The following MEI4 variants were observed in gnomAD, a reference collection of about 807,000 sequenced individuals.
The protein encoded by MEI4 is meiotic double-stranded break formation protein 4.
MEI4 carries 27 observed loss-of-function variants against 31.4 expected under a neutral mutation model. The observed-to-expected ratio is 0.86, with a 90% CI of 0.63 to 1.19. The LOEUF is 1.19. MEI4 is among the 50% of genes most tolerant of loss of function. MEI4 has a pLI of 0.00. For synonymous variants in MEI4, 122 were observed against 145.4 expected (o/e 0.84, Z 1.16); for missense variants, 329 against 398.9 (o/e 0.82, Z 1.49).
intron 2 of MEI4, among the ~76,000 whole-genome samples, chr6:77,714,605 A>G (rs950806437): frequency 3.9e-5 from 6 of 152,238 alleles, no homozygotes; most frequent in Non-Finnish European, 4.4e-5. Flanking sequence ...CCACGTTTTA[A>G]ACAGTGAATG....
chr6:77,834,979 A>G (rs1286441393), intron 4 of MEI4, among the ~76,000 whole-genome samples: 4 of 152,180 alleles, frequency 2.6e-5, no homozygotes, highest in Non-Finnish European at 2.9e-5. Context: ...CCTTCAGCCA[A>G]GCAATCTGAA....
chr6:77,841,892 A>G (rs1770375226), intron 4 of MEI4, among the ~76,000 whole-genome samples: 1 of 152,150 alleles, frequency 6.6e-6, no homozygotes, highest in Non-Finnish European at 1.5e-5. Flanking sequence ...AGAAAATATA[A>G]TGATAAATGT....
At position 77,925,529 on chromosome 6, in the gene MEI4, G is replaced by T. The variant is rs1194812477; in HGVS notation, c.*2183G>T. Reference sequence around the variant, plus strand: ...AGTGAATTAATGAATGATTTAAACTGGTATTACAATGTTTAAGAATGTTAT... The same window carrying T: ...AGTGAATTAATGAATGATTTAAACTTGTATTACAATGTTTAAGAATGTTAT... On this transcript the variant is annotated 3_prime_UTR_variant, in exon 5 of 5. Coordinates refer to ENST00000684080, the MANE Select transcript of MEI4 (RefSeq NM_001322247.2). The T allele has an allele frequency of 6.6e-6, 1 of 151,472 alleles. No homozygotes were observed. The highest frequency in any genetic ancestry group is 1.5e-5 in the Non-Finnish European group (1 of 67,820). The allele number at this position is 151,472 out of a possible 1,614,324, so 9.4% of individuals were successfully genotyped here.
At chr6:77,844,706 A>AC (rs1770439952) in intron 4 of MEI4, among the ~76,000 whole-genome samples, 1 of 152,154 alleles carries the variant, frequency 6.6e-6, no homozygotes, top group African/African-American at 2.4e-5. Context: ...TATAACAGTG[A>AC]CTGGCCTTAC....
At chr6:77,739,109 CT>C (rs1471788387) in intron 2 of MEI4, among the ~76,000 whole-genome samples, 6 of 152,100 alleles carry the variant, frequency 3.9e-5, no homozygotes, top group Non-Finnish European at 7.4e-5. Flanking sequence ...TCAATTTTGG[CT>C]TTTGTTGCAA....
chr6:77,696,971 A>T (rs1210788167), intron 2 of MEI4, among the ~76,000 whole-genome samples: 1 of 152,128 alleles, frequency 6.6e-6, no homozygotes, highest in African/African-American at 2.4e-5. Flanking sequence ...TGAGAGATTC[A>T]ACTTCTTCTT....
chr6:77,792,721 T>A (rs2127696741), intron 3 of MEI4, among the ~76,000 whole-genome samples: 1 of 151,996 alleles, frequency 6.6e-6, no homozygotes, highest in African/African-American at 2.4e-5. Context: ...AACACTATTT[T>A]TTTTTTTTTT....
chr6:77,812,476 A>G (rs1054277700), intron 3 of MEI4, among the ~76,000 whole-genome samples: 2 of 152,116 alleles, frequency 1.3e-5, no homozygotes, highest in Non-Finnish European at 2.9e-5. Context: ...AACTAGAAAG[A>G]TAGACTAAAC....
At chr6:77,750,619 G>T (rs1203669890) in intron 2 of MEI4, among the ~76,000 whole-genome samples, 1 of 152,112 alleles carries the variant, frequency 6.6e-6, no homozygotes, top group Non-Finnish European at 1.5e-5. Flanking sequence ...GAGTCATAAA[G>T]CAAGTTCTTA....
At chr6:77,661,503 C>T (rs1012814533) in intron 1 of MEI4, among the ~76,000 whole-genome samples, 13 of 152,136 alleles carry the variant, frequency 8.5e-5, no homozygotes, top group Non-Finnish European at 1.8e-4. Context: ...TGAGTAAAGT[C>T]AATCTGCCAG....
intron 3 of MEI4, among the ~76,000 whole-genome samples, chr6:77,795,625 A>G (rs1769053571): frequency 6.6e-6 from 1 of 152,180 alleles, no homozygotes; most frequent in Non-Finnish European, 1.5e-5. Context: ...AATGCAAAAA[A>G]TCCTGAGAGA....
intron 4 of MEI4, among the ~76,000 whole-genome samples, chr6:77,884,885 T>C (rs757680568): frequency 7.2e-5 from 11 of 152,186 alleles, no homozygotes; most frequent in Non-Finnish European, 1.5e-4. Flanking sequence ...TCTATTTCTT[T>C]GGAGAGTGTC....
intron 3 of MEI4, among the ~76,000 whole-genome samples, chr6:77,774,155 G>A (rs533081946): frequency 6.6e-6 from 1 of 152,066 alleles, no homozygotes; most frequent in African/African-American, 2.4e-5. Context: ...GAACCCCACT[G>A]CTAGGTGTAT....
At chr6:77,766,510 T>C (rs1768178517) in intron 3 of MEI4, among the ~76,000 whole-genome samples, 1 of 152,166 alleles carries the variant, frequency 6.6e-6, no homozygotes, top group Admixed American at 6.5e-5. Flanking sequence ...GCCTCCTGGG[T>C]TCACGCCATT....
chr6:77,797,933 A>G (rs974201328), intron 3 of MEI4, among the ~76,000 whole-genome samples: 2 of 152,292 alleles, frequency 1.3e-5, no homozygotes, highest in Admixed American at 6.5e-5. Context: ...GACACCTAGT[A>G]TTAACCATCA....
chr6:77,743,464 T>TTTG (rs1561969574), intron 2 of MEI4, among the ~76,000 whole-genome samples: 1 of 152,204 alleles, frequency 6.6e-6, no homozygotes, highest in Non-Finnish European at 1.5e-5. Flanking sequence ...TTTTTGTACA[T>TTTG]TGATTTTGTA....
chr6:77,829,013 T>C lies in MEI4; in HGVS notation c.851T>C (p.Leu284Pro). 8 of 1,232,078 alleles carry C rather than the reference T, an allele frequency of 6.5e-6. No individual in the cohort carries two copies. Among genetic ancestry groups the C allele is most frequent in the Non-Finnish European group, 8.1e-6 (8 of 987,872 alleles). The allele number at this position is 1,232,078 out of a possible 1,614,324, so 76.3% of individuals were successfully genotyped here. ...SLLRKSIISL[L>P]LSEVNGFADD... ...TTGAGAAAATCTATTATATCTCTGC[T>C]TCTATCAGAAGTAAATGGCTTTGCT... The change falls in exon 4 of 5, where the codon CTT (leucine) becomes CCT (proline). Residue 284 changes from leucine to proline, a missense_variant. Transcript: ENST00000684080.
At chr6:77,670,565 A>G (rs1768718931) in intron 1 of MEI4, among the ~76,000 whole-genome samples, 1 of 152,144 alleles carries the variant, frequency 6.6e-6, no homozygotes, top group Non-Finnish European at 1.5e-5. Context: ...ACCACATAAG[A>G]TGTTGCTTGG....
intron 3 of MEI4, among the ~76,000 whole-genome samples, chr6:77,773,577 T>C (rs1768367783): frequency 6.6e-6 from 1 of 151,976 alleles, no homozygotes; most frequent in Non-Finnish European, 1.5e-5. Context: ...GAAGCAACAT[T>C]GGGAAAACTT....
Sources: allele counts gnomAD v4.1 joint callset (sites outside exome capture counted in the v4.1 genomes callset), GRCh38; gene constraint gnomAD v4.1.1; transcripts MANE v1.5; gene names NCBI Gene and HGNC (gene_info 2026-07-23, HGNC 2026-07-21).